Variants in COL4A5 observed in about 807,000 individuals in gnomAD.
COL4A5 encodes collagen type IV alpha 5 chain.
Under a neutral mutation model 130.2 loss-of-function variants are expected in COL4A5, and 26 were observed. The observed-to-expected ratio is 0.20, with a 90% confidence interval of 0.15 to 0.28. COL4A5 has a LOEUF of 0.28. COL4A5 is among the 10% of genes least tolerant of loss of function. The pLI, the probability that COL4A5 is intolerant of heterozygous loss-of-function variation, is 1.00. For missense variants in COL4A5, 1,131 were observed against 1,344.3 expected (o/e 0.84, Z 2.48); for synonymous variants, 496 against 439.6 (o/e 1.13, Z -1.60).
chrX:108,507,193 A>G (rs914901955), intron 1 of COL4A5, among the ~76,000 whole-genome samples: 1 of 103,260 alleles, frequency 9.7e-6, no homozygotes, highest in African/African-American at 3.6e-5. Flanking sequence ...AACTCATTCT[A>G]TGAGGCCAGC....
At chrX:108,519,550 A>G (rs1241805925) in intron 1 of COL4A5, among the ~76,000 whole-genome samples, 1 of 110,735 alleles carries the variant, frequency 9.0e-6, no homozygotes, top group Non-Finnish European at 1.9e-5. Flanking sequence ...CTCTTCCACC[A>G]TCTCCTCCCA....
chrX:108,633,864 C>G (rs1401655999), intron 36 of COL4A5, among the ~76,000 whole-genome samples: 2 of 111,531 alleles, frequency 1.8e-5, no homozygotes, highest in Non-Finnish European at 3.8e-5. Context: ...GTTTTTTTAG[C>G]TCAGTTCTAT....
chrX:108,693,004 C>A (rs2068661804), intron 50 of COL4A5, 79 bp downstream of exon 50: 3 of 1,047,492 alleles, frequency 2.9e-6, no homozygotes, highest in African/African-American at 1.9e-5. Context: ...AGCTAACAAT[C>A]TGATGATATT....
intron 1 of COL4A5, among the ~76,000 whole-genome samples, chrX:108,452,265 T>A (rs2147472423): frequency 8.9e-6 from 1 of 112,062 alleles, no homozygotes; most frequent in African/African-American, 3.2e-5. Context: ...GCATGATGCC[T>A]CCAGCTTTGT....
In COL4A5 at chrX:108,671,572, G is replaced by A. The variant is rs1220195017; in HGVS notation, c.3799+1336G>A. On this transcript the variant is annotated intron_variant, in intron 42 of 52. Coordinates refer to ENST00000328300, the MANE Select transcript of COL4A5 (RefSeq NM_033380.3). ...GTAGAAACTATTGCAGTAGGAGAGA[G>A]ACTGAGCTCAACTTCAAATACAACA... Among the ~76,000 whole-genome samples the A allele has an allele frequency of 3.6e-5, 4 of 111,631 alleles. No homozygotes were observed. In the East Asian group the frequency reaches 1.1e-3, roughly 32 times the overall value.
intron 44 of COL4A5, among the ~76,000 whole-genome samples, chrX:108,678,297 A>T (rs2068349772): frequency 9.0e-6 from 1 of 111,532 alleles, no homozygotes; most frequent in Non-Finnish European, 1.9e-5. Context: ...GAAAAAAAGT[A>T]TTTAAAGTAG....
At chrX:108,630,524 T>G (rs2067235782) in intron 36 of COL4A5, among the ~76,000 whole-genome samples, 1 of 112,365 alleles carries the variant, frequency 8.9e-6, no homozygotes, top group Admixed American at 9.4e-5. Context: ...CTTGTAAATT[T>G]GTTTAAGTTC....
intron 30 of COL4A5, 115 bp from the exon 31 acceptor site, chrX:108,620,144 C>T (rs2067009742): frequency 1.6e-6 from 1 of 606,413 alleles, no homozygotes; most frequent in African/African-American, 2.2e-5. Flanking sequence ...GTATCTCTAA[C>T]TCACTCTTAG....
At chrX:108,560,058 C>T (rs2065879346) in intron 3 of COL4A5, among the ~76,000 whole-genome samples, 1 of 111,566 alleles carries the variant, frequency 9.0e-6, no homozygotes, top group African/African-American at 3.3e-5. Flanking sequence ...CCATCATGGA[C>T]CTGAATGGGT....
At chrX:108,538,879 A>T (rs1473724998) in intron 1 of COL4A5, among the ~76,000 whole-genome samples, 2 of 111,822 alleles carry the variant, frequency 1.8e-5, no homozygotes, top group African/African-American at 3.2e-5. Context: ...ATTTTGGAGG[A>T]GGATATTTTT....
intron 47 of COL4A5, 111 bp from the exon 48 acceptor site, chrX:108,685,920 A>T: frequency 1.6e-6 from 1 of 639,308 alleles, no homozygotes; most frequent in Non-Finnish European, 2.5e-6. Context: ...TTCTGGATTT[A>T]AGACAAAACC....
At chrX:108,543,535 G>A (rs1452588665) in intron 2 of COL4A5, among the ~76,000 whole-genome samples, 1 of 111,040 alleles carries the variant, frequency 9.0e-6, no homozygotes, top group South Asian at 3.8e-4. Context: ...TTGAAGTCAG[G>A]TAGTATGATG....
chrX:108,455,791 G>A (rs12115878), intron 1 of COL4A5, among the ~76,000 whole-genome samples: 10,397 of 111,258 alleles, frequency 0.093, 1,089 homozygotes, highest in African/African-American at 0.31. Context: ...TCAATGGAAT[G>A]TGTATATGCA....
chrX:108,572,667 T>TAG (rs1184567588), intron 8 of COL4A5, among the ~76,000 whole-genome samples: 1 of 111,818 alleles, frequency 8.9e-6, no homozygotes, highest in African/African-American at 3.2e-5. Context: ...AATAACCTCT[T>TAG]ACGTAGTCTC....
intron 1 of COL4A5, among the ~76,000 whole-genome samples, chrX:108,499,476 G>A (rs988949273): frequency 1.8e-5 from 2 of 110,643 alleles, no homozygotes; most frequent in African/African-American, 6.5e-5. Context: ...TGTAATATAG[G>A]CCTCCTAAAT....
chrX:108,639,588 G>C (rs2067421483), intron 36 of COL4A5, among the ~76,000 whole-genome samples: 1 of 111,472 alleles, frequency 9.0e-6, no homozygotes, highest in South Asian at 3.7e-4. Context: ...CTAATAGAGT[G>C]AAAAGGCAAC....
At chrX:108,576,005 CT>C in intron 10 of COL4A5, 33 bp downstream of exon 10, 1 of 931,330 alleles carries the variant, frequency 1.1e-6, no homozygotes, top group Non-Finnish European at 1.5e-6. Flanking sequence ...ATTTCCCCCC[CT>C]TTCCTTTCTG....
At chrX:108,613,546 A>G (rs1254147214) in intron 29 of COL4A5, among the ~76,000 whole-genome samples, 1 of 112,347 alleles carries the variant, frequency 8.9e-6, no homozygotes, top group Non-Finnish European at 1.9e-5. Context: ...TATAAGCAGA[A>G]TATATAATGA....
At chrX:108,616,556 G>A (rs1489922475) in intron 30 of COL4A5, among the ~76,000 whole-genome samples, 1 of 111,067 alleles carries the variant, frequency 9.0e-6, no homozygotes, top group Non-Finnish European at 1.9e-5. Flanking sequence ...TACAGAGGTG[G>A]ATAAAATGAA....
Sources: allele counts gnomAD v4.1 joint callset (sites outside exome capture counted in the v4.1 genomes callset), GRCh38; gene constraint gnomAD v4.1.1; transcripts MANE v1.5; gene names NCBI Gene and HGNC (gene_info 2026-07-23, HGNC 2026-07-21).